Variants in FANCA observed in about 807,000 individuals in gnomAD.
FANCA encodes the protein Fanconi anemia group A protein.
FANCA carries 236 observed loss-of-function variants against 194.3 expected under a neutral mutation model. The observed-to-expected ratio is 1.21, with a 90% CI of 1.09 to 1.35. The LOEUF (loss-of-function observed/expected upper bound fraction) is 1.35. Ranked by LOEUF, FANCA falls within the 40% of genes most tolerant of loss-of-function variation. The pLI is 0.00. For missense variants in FANCA, 2,628 were observed against 1,813.9 expected, an observed-to-expected ratio of 1.45 and a Z score of -8.15; for synonymous variants, 1,014 against 715.8, an observed-to-expected ratio of 1.42 and a Z score of -6.65.
Position 89,815,846 on chromosome 16 carries a change from TGCCC to T in FANCA, c.189+27_189+30del, listed in dbSNP as rs747362689. ...GACTCAAAAACCCCGAACCTAAATC[TGCCC>T]GCAGACGGACACCAGCTTCCTCTTA... On this transcript the variant is annotated intron_variant, in intron 2 of 42. Coordinates refer to ENST00000389301, the MANE Select transcript of FANCA (RefSeq NM_000135.4). 3 of 1,539,382 alleles carry T rather than the reference TGCCC, an allele frequency of 1.9e-6. No individual in the cohort carries two copies. In the South Asian group the frequency reaches 3.3e-5, roughly 17 times the overall value.
At chr16:89,792,691 A>T in intron 11 of FANCA, 144 bp from the exon 12 acceptor site, 1 of 701,906 alleles carries the variant, frequency 1.4e-6, no homozygotes, top group Admixed American at 2.1e-5. Flanking sequence ...CAAGACAAAG[A>T]GATAAAAGAC....
At chr16:89,739,963 C>T (rs778785348) in intron 39 of FANCA, 31 bp downstream of exon 39, 37 of 1,612,206 alleles carry the variant, frequency 2.3e-5, no homozygotes, top group Middle Eastern at 1.6e-4. Flanking sequence ...AGCGGCCCTC[C>T]GCATTTGTGC....
intron 25 of FANCA, 50 bp downstream of exon 25, chr16:89,770,116 G>A (rs1328883949): frequency 1.9e-6 from 3 of 1,571,030 alleles, no homozygotes; most frequent in Non-Finnish European, 2.6e-6. Flanking sequence ...GTAGCAGCCT[G>A]GCCCTCAGAG....
intron 36 of FANCA, among the ~76,000 whole-genome samples, chr16:89,744,200 T>C (rs1362558530): frequency 6.6e-6 from 1 of 152,134 alleles, no homozygotes; most frequent in East Asian, 1.9e-4. Context: ...GGGGCCCTCT[T>C]CTCTTCTTTC....
intron 30 of FANCA, among the ~76,000 whole-genome samples, chr16:89,754,310 A>C (rs1240457626): frequency 6.6e-6 from 1 of 151,812 alleles, no homozygotes; most frequent in Non-Finnish European, 1.5e-5. Context: ...GAAAAAGAAA[A>C]AGCATCCAGA....
At chr16:89,803,138 C>T in intron 8 of FANCA, 121 bp downstream of exon 8, 1 of 962,666 alleles carries the variant, frequency 1.0e-6, no homozygotes, top group African/African-American at 1.6e-5. Context: ...ACAAGTATCA[C>T]ATGTACCCCG....
At chr16:89,762,778 A>T (rs1478084498) in intron 28 of FANCA, 1 of 451,912 alleles carries the variant, frequency 2.2e-6, no homozygotes, top group Non-Finnish European at 4.4e-6. Flanking sequence ...CTGCAGGTGC[A>T]CATCACCATG....
intron 5 of FANCA, among the ~76,000 whole-genome samples, chr16:89,809,265 T>A (rs1040559026): frequency 6.6e-6 from 1 of 152,126 alleles, no homozygotes; most frequent in African/African-American, 2.4e-5. Context: ...CAATCTGATA[T>A]GCATGTCCAA....
At chr16:89,749,966 C>G in intron 31 of FANCA, 64 bp from the exon 32 acceptor site, 1 of 1,578,976 alleles carries the variant, frequency 6.3e-7, no homozygotes, top group Non-Finnish European at 8.7e-7. Flanking sequence ...CAGTCGGGGA[C>G]CCAGACGTCA....
rs1211892169 is a variant in FANCA, at chr16:89,743,032, G to T, written c.3627-94C>A. On this transcript the variant is annotated intron_variant, in intron 36 of 42. Coordinates refer to ENST00000389301, the MANE Select transcript of FANCA (RefSeq NM_000135.4). ...CTTATTCCCACCTGTCACCTTTGGG[G>T]CCTGCCTTTCCATCAGAGGACAGAG... 5.5e-6 allele frequency: 8 copies of T among 1,446,278 alleles called. No homozygotes were observed. The African/African-American group carries it at 9.9e-5, about 18-fold the overall frequency. 89.6% of individuals were successfully genotyped at this position (1,446,278 alleles called of 1,614,324 possible). A position where few individuals can be genotyped will look rare whatever the true frequency, so the allele number is the denominator to read the frequency against.
At chr16:89,805,446 G>A in intron 6 of FANCA, 54 bp from the exon 7 acceptor site, 1 of 1,442,818 alleles carries the variant, frequency 6.9e-7, no homozygotes, top group Non-Finnish European at 9.7e-7. Context: ...CATCATCAGG[G>A]GATTGAGTTG....
At chr16:89,816,128 G>T in intron 1 of FANCA, 142 bp from the exon 2 acceptor site, 1 of 713,848 alleles carries the variant, frequency 1.4e-6, no homozygotes. Context: ...CAGGGCGCAG[G>T]TCTCGGGAAA....
chr16:89,789,324 C>T (rs1217378459), intron 14 of FANCA, among the ~76,000 whole-genome samples: 1 of 151,372 alleles, frequency 6.6e-6, no homozygotes, highest in African/African-American at 2.4e-5. Context: ...GAGCAGGCAC[C>T]GCAGCCACGA....
intron 27 of FANCA, among the ~76,000 whole-genome samples, chr16:89,766,197 A>T (rs1036878063): frequency 6.6e-6 from 1 of 151,396 alleles, no homozygotes; most frequent in African/African-American, 2.4e-5. Flanking sequence ...AGGTTTCACC[A>T]TGTTGGCCAG....
Position 89,738,199 on chromosome 16 carries a change from C to T in FANCA, c.*402G>A, listed in dbSNP as rs1257278189. On this transcript the variant is annotated 3_prime_UTR_variant, in exon 43 of 43. Transcript: ENST00000389301. ...GGAACCACCACCTGGGCCACCGAGC[C>T]CCTCTGTGACCACAGAGGGCCAGGC... 2 of 1,611,258 alleles carry T rather than the reference C, an allele frequency of 1.2e-6. No homozygotes were observed. Among genetic ancestry groups the T allele is most frequent in the African/African-American group, 1.3e-5 (1 of 74,872 alleles).
chr16:89,815,545 C>T (rs1051307910), intron 2 of FANCA, among the ~76,000 whole-genome samples: 1 of 148,852 alleles, frequency 6.7e-6, no homozygotes, highest in African/African-American at 2.5e-5. Context: ...CAGTAGAGAC[C>T]GGGTTTCACT....
chr16:89,761,068 G>C (rs929452139), intron 29 of FANCA, among the ~76,000 whole-genome samples: 6 of 152,146 alleles, frequency 3.9e-5, no homozygotes, highest in African/African-American at 1.4e-4. Context: ...CTCTAGAATT[G>C]TCTGCCACAT....
In FANCA at chr16:89,740,748, G is replaced by GCCCCTGCCTGGCC; in HGVS notation, c.3828+43_3828+55dup. 3.4e-6 allele frequency: 5 copies of GCCCCTGCCTGGCC among 1,489,744 alleles called. No individual in the cohort carries two copies. The South Asian group carries it at 4.6e-5, about 14-fold the overall frequency. The allele number at this position is 1,489,744 out of a possible 1,614,324, so 92.3% of individuals were successfully genotyped here. A position where few individuals can be genotyped will look rare whatever the true frequency, so the allele number is the denominator to read the frequency against. On this transcript the variant is annotated intron_variant, in intron 38 of 42. Coordinates refer to ENST00000389301, the MANE Select transcript of FANCA (RefSeq NM_000135.4). ...CTGACTTGGAAGCTGGCTGCCTGGT[G>GCCCCTGCCTGGCC]CCCCTGCCTGGCCCACAGTGGGAGA... is the stretch of plus-strand genomic sequence containing the variant.
At position 89,791,449 on chromosome 16, in the gene FANCA, G is replaced by A. The variant is rs376882580; in HGVS notation, c.1313C>T (p.Ala438Val). ...CAGGAACGCAGAGGGGCCCTCCAGT[G>A]CTGCCTGGCGCACAACCAGGAACGC... ...VTAFLVVRQA[A>V]LEGPSAFLSY... The change falls in exon 14 of 43, where the codon GCA (alanine) becomes GTA (valine). Residue 438 changes from alanine (A) to valine (V), a missense_variant. By Grantham distance (64) the Ala-to-Val change is moderately conservative. Coordinates refer to ENST00000389301, the MANE Select transcript of FANCA (RefSeq NM_000135.4). 6.2e-6 allele frequency: 10 copies of A among 1,614,106 alleles called. No homozygotes were observed. The highest frequency in any genetic ancestry group is 8.5e-6 in the Non-Finnish European group (10 of 1,180,014).
Sources: gnomAD v4.1 joint callset for allele counts (sites outside exome capture counted in the v4.1 genomes callset) on GRCh38, gnomAD v4.1.1 for gene constraint, MANE v1.5 for transcripts, NCBI Gene and HGNC (gene_info 2026-07-23, HGNC 2026-07-21) for gene names.